Variants in DOCK7 observed in about 807,000 individuals in gnomAD.
The protein encoded by DOCK7 is dedicator of cytokinesis 7, also known as dedicator of cytokinesis protein 7.
In DOCK7, 138 loss-of-function variants were observed where a neutral mutation model predicts 271.0. That is an observed-to-expected ratio of 0.51 (90% CI 0.44 to 0.59). The LOEUF (loss-of-function observed/expected upper bound fraction) is 0.59, where lower values mean the gene tolerates loss of function less well. DOCK7 is among the 20% of genes least tolerant of loss of function. The pLI, the probability that DOCK7 is intolerant of heterozygous loss-of-function variation, is 0.00. For missense variants in DOCK7, 2,066 were observed against 2,592.4 expected (o/e 0.80, Z 4.41); for synonymous variants, 823 against 876.1 (o/e 0.94, Z 1.07).
intron 14 of DOCK7, among the ~76,000 whole-genome samples, chr1:62,616,979 ACT>A (rs1652516394): frequency 1.3e-5 from 2 of 151,700 alleles, no homozygotes; most frequent in African/African-American, 4.8e-5. Context: ...AGGTAAAGAT[ACT>A]GTCAGACATA....
intron 7 of DOCK7, among the ~76,000 whole-genome samples, chr1:62,640,947 TAA>T (rs1235007578): frequency 1.9e-4 from 29 of 152,320 alleles, no homozygotes; most frequent in Non-Finnish European, 3.5e-4. Flanking sequence ...TGGCTTAAAG[TAA>T]CCTTATAGAA....
At position 62,475,718 on chromosome 1, in the gene DOCK7, G is replaced by T. The variant is rs767729109; in HGVS notation, c.5950C>A (p.His1984Asn). 2.5e-6 allele frequency: 4 copies of T among 1,613,566 alleles called. No individual in the cohort carries two copies. In the African/African-American group the frequency reaches 5.3e-5, roughly 22 times the overall value. Residue 1984 changes from histidine (H) to asparagine (N), a missense_variant, in exon 46 of 50, where the codon CAT becomes AAT. Coordinates refer to ENST00000635253, the MANE Select transcript of DOCK7 (RefSeq NM_001367561.1). The part of the protein sequence containing the change: ...PYIKTRVNVT[H>N]KEEIILTPIE... ...ATTAATGGACTTACCTCTTCTTTAT[G>T]AGTGACATTGACCCTTGTTTTAATA...
intron 48 of DOCK7, among the ~76,000 whole-genome samples, chr1:62,465,222 T>C (rs1040182984): frequency 6.6e-6 from 1 of 152,254 alleles, no homozygotes; most frequent in African/African-American, 2.4e-5. Context: ...CAGTTGTTGC[T>C]GCAGTAAATT....
At chr1:62,483,814 A>G (rs1408409833) in intron 43 of DOCK7, 2 of 152,108 alleles carry the variant, frequency 1.3e-5, no homozygotes, top group African/African-American at 4.8e-5. Flanking sequence ...CTCCTGAACT[A>G]AAGCGATCCT....
chr1:62,551,799 T>C (rs865838657), intron 22 of DOCK7, among the ~76,000 whole-genome samples: 2 of 151,306 alleles, frequency 1.3e-5, no homozygotes, highest in Middle Eastern at 3.4e-3. Context: ...TATATTTGTA[T>C]ATATTTTTAT....
In DOCK7 at chr1:62,619,813, A is replaced by T. The variant is rs541875289; in HGVS notation, c.1519+87T>A. On this transcript the variant is annotated intron_variant, in intron 13 of 49. Coordinates refer to ENST00000635253, the MANE Select transcript of DOCK7 (RefSeq NM_001367561.1). ...AGAAAAATGTCTGGGCCAGATAAATAAAAAAAAAAGATACATAATTATAAG... is the reference window on the plus strand; with the variant it reads ...AGAAAAATGTCTGGGCCAGATAAATTAAAAAAAAAGATACATAATTATAAG... 51 of 574,212 alleles carry T rather than the reference A, an allele frequency of 8.9e-5. No homozygotes were observed. In the African/African-American group the frequency reaches 2.9e-3, roughly 33 times the overall value. The allele number at this position is 574,212 out of a possible 1,614,324, so 35.6% of individuals were successfully genotyped here.
chr1:62,546,717 T>C (rs1372908641), intron 22 of DOCK7, among the ~76,000 whole-genome samples: 1 of 152,106 alleles, frequency 6.6e-6, no homozygotes, highest in Non-Finnish European at 1.5e-5. Flanking sequence ...AATATCAAAA[T>C]ACTAGTAAGA....
intron 16 of DOCK7, among the ~76,000 whole-genome samples, chr1:62,582,317 G>A (rs1471341839): frequency 2.6e-5 from 4 of 151,814 alleles, no homozygotes; most frequent in East Asian, 1.9e-4. Context: ...TTGGGAGGCC[G>A]AGGCGGGCGG....
chr1:62,482,382 T>C (rs1157379980), intron 43 of DOCK7: 2 of 152,908 alleles, frequency 1.3e-5, no homozygotes, highest in Non-Finnish European at 2.9e-5. Context: ...CTCACTCTTG[T>C]TGCCCAGGCT....
intron 29 of DOCK7, 134 bp from the exon 30 acceptor site, chr1:62,529,580 T>C (rs1571417826): frequency 1.9e-6 from 1 of 525,326 alleles, no homozygotes; most frequent in Admixed American, 3.8e-5. Flanking sequence ...TATATTTGCA[T>C]GCATTCCATT....
chr1:62,680,878 G>A (rs1466924325), intron 1 of DOCK7, among the ~76,000 whole-genome samples: 1 of 152,132 alleles, frequency 6.6e-6, no homozygotes, highest in African/African-American at 2.4e-5. Flanking sequence ...TAAAAAGTCA[G>A]GAAACAACAG....
At chr1:62,668,437 A>G (rs750845538) in intron 1 of DOCK7, among the ~76,000 whole-genome samples, 31 of 152,244 alleles carry the variant, frequency 2.0e-4, no homozygotes, top group Non-Finnish European at 3.5e-4. Context: ...CAGCTGTAAA[A>G]TATATTTTGG....
intron 2 of DOCK7, among the ~76,000 whole-genome samples, chr1:62,655,288 T>A (rs532966231): frequency 2.6e-5 from 4 of 152,260 alleles, no homozygotes; most frequent in Admixed American, 1.3e-4. Context: ...TATAGACCAA[T>A]GAAAATAAGA....
chr1:62,464,479 C>T lies in DOCK7; in HGVS notation c.6213-6774G>A, dbSNP rs189205958. 8.1e-4 allele frequency among the ~76,000 whole-genome samples: 122 copies of T among 151,270 alleles called. 2 individuals are homozygous for T. The East Asian group carries it at 0.023, about 29-fold the overall frequency. ...GGTGGATCACCTGAGGTCAGGAGTT[C>T]GAGACCAGCCAGGCCAACATGGCGA... On this transcript the variant is annotated intron_variant, in intron 48 of 49. Transcript: ENST00000635253.
chr1:62,546,033 C>T (rs566240077), intron 22 of DOCK7, among the ~76,000 whole-genome samples: 9 of 152,048 alleles, frequency 5.9e-5, no homozygotes, highest in Admixed American at 1.3e-4. Context: ...CAAAGACAAT[C>T]GAAGACAAGC....
At chr1:62,554,574 A>C (rs1473787156) in intron 21 of DOCK7, among the ~76,000 whole-genome samples, 8 of 152,068 alleles carry the variant, frequency 5.3e-5, no homozygotes, top group Admixed American at 5.2e-4. Flanking sequence ...TTTTAAAATA[A>C]AACATCCAGG....
At chr1:62,665,154 T>C (rs1452071783) in intron 1 of DOCK7, among the ~76,000 whole-genome samples, 1 of 151,956 alleles carries the variant, frequency 6.6e-6, no homozygotes, top group Non-Finnish European at 1.5e-5. Flanking sequence ...GCCTAGCTAA[T>C]TTTTTTGTAT....
Position 62,582,474 on chromosome 1 carries a change from C to T in DOCK7, c.1871+710G>A, listed in dbSNP as rs369377457. ...CTGAGGCAGGAGAATGGCGTGAACC[C>T]GGGAGGCGGAGCTTGCAGTAAGCCG... On this transcript the variant is annotated intron_variant, in intron 16 of 49. Transcript: ENST00000635253. Among the ~76,000 whole-genome samples the T allele has an allele frequency of 8.7e-4, 116 of 133,304 alleles. 2 individuals carry two copies. Among genetic ancestry groups the T allele is most frequent in the African/African-American group, 3.0e-3 (111 of 36,762 alleles). 87.5% of individuals were successfully genotyped at this position (133,304 alleles called of 152,430 possible). A position where few individuals can be genotyped will look rare whatever the true frequency, so the allele number is the denominator to read the frequency against.
At chr1:62,502,637 G>C (rs375643359) in intron 37 of DOCK7, among the ~76,000 whole-genome samples, 2 of 151,868 alleles carry the variant, frequency 1.3e-5, no homozygotes, top group Non-Finnish European at 2.9e-5. Flanking sequence ...GAGTACTAGG[G>C]GTATTACATA....
Sources: allele counts gnomAD v4.1 joint callset (sites outside exome capture counted in the v4.1 genomes callset), GRCh38; gene constraint gnomAD v4.1.1; transcripts MANE v1.5; gene names NCBI Gene and HGNC (gene_info 2026-07-23, HGNC 2026-07-21).